The following SORCS3 variants were observed in gnomAD, a reference collection of about 807,000 sequenced individuals.
SORCS3 encodes sortilin related VPS10 domain containing receptor 3, also known as VPS10 domain-containing receptor SorCS3.
A neutral mutation model predicts 146.3 loss-of-function variants in SORCS3; 57 were observed. That is an observed-to-expected ratio of 0.39 (90% CI 0.31 to 0.49). The LOEUF (loss-of-function observed/expected upper bound fraction) is 0.49. Ranked by LOEUF, SORCS3 falls within the 20% of genes least tolerant of loss-of-function variation. SORCS3 has a pLI of 0.92. For missense variants in SORCS3, 1,341 were observed against 1,575.5 expected, an observed-to-expected ratio of 0.85 and a Z score of 2.52; for synonymous variants, 653 against 618.5, an observed-to-expected ratio of 1.06 and a Z score of -0.83.
intron 4 of SORCS3, among the ~76,000 whole-genome samples, chr10:105,007,789 GC>G (rs1373043849): frequency 6.6e-6 from 1 of 152,124 alleles, no homozygotes; most frequent in East Asian, 1.9e-4. Context: ...TTTGTGCTGG[GC>G]ATAAAATGAT....
intron 7 of SORCS3, among the ~76,000 whole-genome samples, chr10:105,125,441 C>T (rs546290176): frequency 7.2e-5 from 11 of 152,198 alleles, no homozygotes; most frequent in South Asian, 2.1e-4. Context: ...TTTCCCAAGA[C>T]GACACAGCCA....
At chr10:105,070,437 G>T (rs1194778089) in intron 5 of SORCS3, among the ~76,000 whole-genome samples, 8 of 152,200 alleles carry the variant, frequency 5.3e-5, no homozygotes, top group Admixed American at 5.2e-4. Context: ...CACCAGGGAG[G>T]TTTCTGGATC....
intron 5 of SORCS3, among the ~76,000 whole-genome samples, chr10:105,054,896 C>T (rs2055436433): frequency 2.0e-5 from 3 of 152,106 alleles, no homozygotes; most frequent in African/African-American, 7.2e-5. Context: ...ATATTCTTGG[C>T]TTATTTTACT....
At chr10:104,724,949 A>G (rs1305806903) in intron 1 of SORCS3, among the ~76,000 whole-genome samples, 1 of 152,082 alleles carries the variant, frequency 6.6e-6, no homozygotes, top group East Asian at 1.9e-4. Context: ...GAGTAGTTTG[A>G]TAATCTGAAG....
chr10:105,055,133 C>T (rs937369898), intron 5 of SORCS3, among the ~76,000 whole-genome samples: 5 of 152,056 alleles, frequency 3.3e-5, no homozygotes, highest in Admixed American at 1.3e-4. Flanking sequence ...TTCATATTAG[C>T]TCTACATGTT....
chr10:105,078,809 A>G (rs1267239116), intron 5 of SORCS3, among the ~76,000 whole-genome samples: 7 of 152,230 alleles, frequency 4.6e-5, no homozygotes, highest in Non-Finnish European at 8.8e-5. Context: ...TTTGAGGCAT[A>G]GAAAAGTTAA....
At chr10:105,109,297 C>A (rs1161250238) in intron 7 of SORCS3, among the ~76,000 whole-genome samples, 1 of 152,114 alleles carries the variant, frequency 6.6e-6, no homozygotes, top group African/African-American at 2.4e-5. Context: ...TGAAGCACTA[C>A]AGAAGAAAGG....
chr10:105,038,219 TTATGTA>T (rs1165694631), intron 4 of SORCS3, among the ~76,000 whole-genome samples: 2 of 152,214 alleles, frequency 1.3e-5, no homozygotes, highest in Non-Finnish European at 2.9e-5. Context: ...ATGGCCTCAT[TTATGTA>T]ACTGTATAAA....
chr10:104,948,897 C>G (rs1028121612), intron 3 of SORCS3, among the ~76,000 whole-genome samples: 1 of 152,162 alleles, frequency 6.6e-6, no homozygotes, highest in African/African-American at 2.4e-5. Context: ...TTCCGCCCAG[C>G]TACCCACTAA....
Position 105,265,079 on chromosome 10 carries a change from G to C in SORCS3, c.*1705G>C, listed in dbSNP as rs2056983843. Reference sequence around the variant, plus strand: ...AATGGGGCAGACAATTGCAATACTTGTACTAAACACTGGAATACAAATGCA... The same window carrying C: ...AATGGGGCAGACAATTGCAATACTTCTACTAAACACTGGAATACAAATGCA... On this transcript the variant is annotated 3_prime_UTR_variant, in exon 27 of 27. Coordinates refer to ENST00000369701, the MANE Select transcript of SORCS3 (RefSeq NM_014978.3). The C allele has an allele frequency of 6.6e-6, 1 of 152,348 alleles. No individual in the cohort carries two copies. Among genetic ancestry groups the C allele is most frequent in the South Asian group, 2.1e-4 (1 of 4,816 alleles). 9.4% of individuals were successfully genotyped at this position (152,348 alleles called of 1,614,324 possible).
chr10:105,256,966 C>A, intron 25 of SORCS3, 42 bp downstream of exon 25: 1 of 1,375,996 alleles, frequency 7.3e-7, no homozygotes, highest in Non-Finnish European at 1.0e-6. Flanking sequence ...GGGTTGGGGT[C>A]ATTGCAAATG....
intron 2 of SORCS3, among the ~76,000 whole-genome samples, chr10:104,885,097 A>C (rs2133578618): frequency 6.6e-6 from 1 of 152,316 alleles, no homozygotes; most frequent in South Asian, 2.1e-4. Flanking sequence ...TAAAGTGGAC[A>C]GGCAGATCTT....
At chr10:105,259,108 GCTT>G (rs376099609) in intron 25 of SORCS3, among the ~76,000 whole-genome samples, 1 of 152,192 alleles carries the variant, frequency 6.6e-6, no homozygotes, top group East Asian at 1.9e-4. Context: ...AGTCTCCTTT[GCTT>G]CTTTCATTAC....
At chr10:104,726,148 A>G (rs573183868) in intron 1 of SORCS3, among the ~76,000 whole-genome samples, 21 of 152,294 alleles carry the variant, frequency 1.4e-4, no homozygotes, top group Non-Finnish European at 1.9e-4. Context: ...TCTTTAAAGT[A>G]AACAAGTCTG....
chr10:105,060,886 G>A (rs1261917741), intron 5 of SORCS3, among the ~76,000 whole-genome samples: 1 of 151,226 alleles, frequency 6.6e-6, no homozygotes, highest in Non-Finnish European at 1.5e-5. Flanking sequence ...GTGGTGAGCT[G>A]AGATCACGCC....
intron 5 of SORCS3, among the ~76,000 whole-genome samples, chr10:105,069,316 A>G (rs891527709): frequency 1.3e-5 from 2 of 152,172 alleles, no homozygotes; most frequent in Admixed American, 6.6e-5. Flanking sequence ...TCTGCTCAAA[A>G]CTTTTGAAAC....
intron 1 of SORCS3, among the ~76,000 whole-genome samples, chr10:104,785,901 C>T (rs1000706077): frequency 6.6e-6 from 1 of 152,112 alleles, no homozygotes; most frequent in Non-Finnish European, 1.5e-5. Context: ...TGCATGCACA[C>T]GATTTTACAT....
chr10:104,759,865 G>A (rs1038100943), intron 1 of SORCS3, among the ~76,000 whole-genome samples: 1 of 152,176 alleles, frequency 6.6e-6, no homozygotes, highest in Admixed American at 6.5e-5. Flanking sequence ...TGCTTGAGGA[G>A]CTTGTACAGA....
intron 1 of SORCS3, chr10:104,665,495 G>A (rs1370265383): frequency 1.3e-5 from 2 of 152,226 alleles, no homozygotes; most frequent in African/African-American, 4.8e-5. Flanking sequence ...GAGATAGTCA[G>A]AGAAAAAACA....
Sources: allele counts gnomAD v4.1 joint callset (sites outside exome capture counted in the v4.1 genomes callset), GRCh38; gene constraint gnomAD v4.1.1; transcripts MANE v1.5; gene names NCBI Gene and HGNC (gene_info 2026-07-23, HGNC 2026-07-21).